SCAPER: variants seen among roughly 807,000 people sequenced by gnomAD.
SCAPER encodes the protein S-phase cyclin A associated protein in the ER.
In SCAPER, 98 loss-of-function variants were observed where a neutral mutation model predicts 182.2. The observed-to-expected ratio is 0.54, with a 90% confidence interval of 0.46 to 0.64. The LOEUF (loss-of-function observed/expected upper bound fraction) is 0.64, where lower values mean the gene tolerates loss of function less well. Ranked by LOEUF, SCAPER falls within the 30% of genes least tolerant of loss-of-function variation. SCAPER has a pLI of 0.00. For missense variants in SCAPER, 1,432 were observed against 1,690.0 expected (o/e 0.85, Z 2.68); for synonymous variants, 605 against 564.6 (o/e 1.07, Z -1.01).
intron 23 of SCAPER, among the ~76,000 whole-genome samples, chr15:76,555,719 G>A (rs1257178671): frequency 1.3e-5 from 2 of 152,048 alleles, no homozygotes; most frequent in African/African-American, 4.8e-5. Context: ...CCCAACACAG[G>A]AGCACCCAGA....
intron 22 of SCAPER, among the ~76,000 whole-genome samples, chr15:76,596,458 A>G (rs947441885): frequency 8.3e-6 from 1 of 120,984 alleles, no homozygotes; most frequent in African/African-American, 2.5e-5. Context: ...TCCCTAACTC[A>G]TTTTATGAGG....
chr15:76,836,237 G>A (rs751457728), intron 5 of SCAPER, among the ~76,000 whole-genome samples: 6 of 151,924 alleles, frequency 3.9e-5, no homozygotes, highest in Non-Finnish European at 8.8e-5. Context: ...ACCTCATGTG[G>A]AACCAAAAAA....
intron 23 of SCAPER, among the ~76,000 whole-genome samples, chr15:76,539,842 G>A (rs928365759): frequency 5.9e-5 from 9 of 152,142 alleles, no homozygotes. Flanking sequence ...ACTGCGCCTG[G>A]CCTAAAATCA....
intron 25 of SCAPER, among the ~76,000 whole-genome samples, chr15:76,444,385 A>C (rs2047846502): frequency 1.3e-5 from 2 of 152,222 alleles, no homozygotes; most frequent in African/African-American, 4.8e-5. Flanking sequence ...ATGGAACTTA[A>C]GTTAAAAAAA....
intron 5 of SCAPER, among the ~76,000 whole-genome samples, chr15:76,834,002 G>A (rs968585485): frequency 7.9e-5 from 12 of 152,106 alleles, no homozygotes; most frequent in Non-Finnish European, 1.5e-4. Context: ...TTGATCAAAT[G>A]GACTTAACAG....
intron 20 of SCAPER, among the ~76,000 whole-genome samples, chr15:76,686,058 G>C (rs566209228): frequency 6.6e-6 from 1 of 151,834 alleles, no homozygotes; most frequent in East Asian, 1.9e-4. Flanking sequence ...TATCTATAAA[G>C]GACAATATTG....
intron 8 of SCAPER, among the ~76,000 whole-genome samples, chr15:76,789,951 G>A (rs1379886357): frequency 1.3e-5 from 2 of 152,050 alleles, no homozygotes; most frequent in South Asian, 2.1e-4. Flanking sequence ...CAATGGGGCC[G>A]GGCGCGGTGG....
Position 76,422,060 on chromosome 15 carries a change from C to T in SCAPER, c.3311+12018G>A, listed in dbSNP as rs555188766. Among the ~76,000 whole-genome samples the T allele has an allele frequency of 1.1e-4, 16 of 152,304 alleles. 1 individual carries two copies. The East Asian group carries it at 2.5e-3, about 24-fold the overall frequency. On this transcript the variant is annotated intron_variant, in intron 26 of 31. Coordinates refer to ENST00000563290, the MANE Select transcript of SCAPER (RefSeq NM_020843.4). ...TAGTTTGAAGTCAGGTAGCGTGATG[C>T]CTCCAGCTTTGTTCTTTTGGCTTAG...
chr15:76,645,651 T>A (rs1413129141), intron 21 of SCAPER, among the ~76,000 whole-genome samples: 1 of 152,170 alleles, frequency 6.6e-6, no homozygotes, highest in Non-Finnish European at 1.5e-5. Flanking sequence ...TACTTATTTG[T>A]ACCTTTCTTT....
At chr15:76,384,866 G>A (rs954201064) in intron 27 of SCAPER, among the ~76,000 whole-genome samples, 11 of 152,162 alleles carry the variant, frequency 7.2e-5, no homozygotes, top group African/African-American at 2.4e-4. Flanking sequence ...TTAACTGTCA[G>A]TTATAATCAC....
At chr15:76,627,780 G>T (rs940213212) in intron 21 of SCAPER, among the ~76,000 whole-genome samples, 2 of 152,006 alleles carry the variant, frequency 1.3e-5, no homozygotes, top group Non-Finnish European at 2.9e-5. Flanking sequence ...TTGTAACAAT[G>T]ATTTTTATTC....
intron 23 of SCAPER, among the ~76,000 whole-genome samples, chr15:76,565,480 T>A (rs1446923153): frequency 1.3e-5 from 2 of 151,916 alleles, no homozygotes; most frequent in East Asian, 3.9e-4. Flanking sequence ...CAATAAGATA[T>A]CATCTCACAC....
At chr15:76,774,368 C>A in intron 9 of SCAPER, 1 of 379,316 alleles carries the variant, frequency 2.6e-6, no homozygotes. Context: ...AGAAACATAC[C>A]AAATGAACTG....
rs1166562147 is a variant in SCAPER at position 76,358,956 on chromosome 15, C to T, written c.3856-4816G>A. Among the ~76,000 whole-genome samples the T allele has an allele frequency of 2.6e-5, 4 of 152,268 alleles. No individual in the cohort carries two copies. The East Asian group carries it at 5.8e-4, about 22-fold the overall frequency. On this transcript the variant is annotated intron_variant, in intron 29 of 31. Transcript: ENST00000563290. ...CCCTGGGCTCTAGGTCTGGCTCTGC[C>T]CCCTGATCTGCTATAGTCACTTAAC...
chr15:76,555,592 A>C (rs1003766268), intron 23 of SCAPER, among the ~76,000 whole-genome samples: 4 of 152,190 alleles, frequency 2.6e-5, no homozygotes, highest in Admixed American at 1.3e-4. Flanking sequence ...GTTGCTTTCT[A>C]ATTTCAGACA....
intron 25 of SCAPER, among the ~76,000 whole-genome samples, chr15:76,469,522 T>A (rs907641791): frequency 2.6e-5 from 4 of 152,212 alleles, no homozygotes; most frequent in Admixed American, 6.5e-5. Context: ...TCCAGGATCA[T>A]ACATTACATT....
At chr15:76,623,549 T>C (rs1567628737) in intron 21 of SCAPER, among the ~76,000 whole-genome samples, 2 of 152,228 alleles carry the variant, frequency 1.3e-5, no homozygotes, top group Non-Finnish European at 2.9e-5. Flanking sequence ...AAGGATCAGA[T>C]GGCTATAGGT....
At chr15:76,615,516 C>T (rs971120953) in intron 22 of SCAPER, among the ~76,000 whole-genome samples, 1 of 151,226 alleles carries the variant, frequency 6.6e-6, no homozygotes, top group Non-Finnish European at 1.5e-5. Context: ...CACACACACA[C>T]ACACACACAC....
rs1052766821 is a variant in SCAPER, at chr15:76,862,507, A to T, written c.33T>A (p.His11Gln). 1.2e-6 allele frequency: 2 copies of T among 1,612,918 alleles called. No homozygotes were observed. Among genetic ancestry groups the T allele is most frequent in the Admixed American group, 3.3e-5 (2 of 59,896 alleles). Residue 11 changes from histidine (H) to glutamine (Q), a missense_variant, in exon 3 of 32, where the codon CAT becomes CAA. By Grantham distance (24) the His-to-Gln change is conservative. Coordinates refer to ENST00000563290, the MANE Select transcript of SCAPER (RefSeq NM_020843.4). MMASFQRSNS[H>Q]DKVRRIVAEE... ...CTGCAACTATTCTCCTTACTTTGTC[A>T]TGACTATTGGAGCGCTGGAATGAAG...
Sources: allele counts gnomAD v4.1 joint callset (sites outside exome capture counted in the v4.1 genomes callset), GRCh38; gene constraint gnomAD v4.1.1; transcripts MANE v1.5; gene names NCBI Gene and HGNC (gene_info 2026-07-23, HGNC 2026-07-21).